The following UBAP2 variants were observed in gnomAD, a reference collection of about 807,000 sequenced individuals.
UBAP2 encodes the protein ubiquitin associated protein 2, also known as ubiquitin-associated protein 2.
A neutral mutation model predicts 139.6 loss-of-function variants in UBAP2; 75 were observed. The ratio of observed to expected loss-of-function variants is 0.54; its 90% CI spans 0.45 to 0.65. The LOEUF (loss-of-function observed/expected upper bound fraction) is 0.65. Ranked by LOEUF, UBAP2 falls within the 30% of genes least tolerant of loss-of-function variation. The probability of loss-of-function intolerance (pLI) is 0.00; values close to 1 mark genes in which losing one functional copy is unlikely to be tolerated. For synonymous variants in UBAP2, 526 were observed against 526.2 expected, an observed-to-expected ratio of 1.00 and a Z score of 0.01; for missense variants, 1,368 against 1,369.6, an observed-to-expected ratio of 1.00 and a Z score of 0.02.
chr9:34,045,057 G>A (rs953973243), intron 1 of UBAP2, among the ~76,000 whole-genome samples: 1 of 151,506 alleles, frequency 6.6e-6, no homozygotes, highest in Admixed American at 6.6e-5. Context: ...TTACAAACGG[G>A]TAAAAAAAGG....
intron 19 of UBAP2, chr9:33,928,869 C>G (rs963166844): frequency 6.6e-6 from 1 of 152,436 alleles, no homozygotes; most frequent in Non-Finnish European, 1.5e-5. Flanking sequence ...ACGGGAAGGG[C>G]CCAGGAGAAG....
chr9:34,012,439 G>A (rs1270172759), intron 2 of UBAP2, among the ~76,000 whole-genome samples: 4 of 151,704 alleles, frequency 2.6e-5, no homozygotes, highest in African/African-American at 9.7e-5. Flanking sequence ...GCTGAGGCAG[G>A]AGAATCACTT....
chr9:34,028,094 T>TA (rs950611530), intron 1 of UBAP2, among the ~76,000 whole-genome samples: 3 of 151,768 alleles, frequency 2.0e-5, no homozygotes, highest in Non-Finnish European at 2.9e-5. Context: ...GTCAGGCCTC[T>TA]AGCAGCTGAT....
At chr9:34,039,871 A>AAAAAAAC in intron 1 of UBAP2, among the ~76,000 whole-genome samples, 1 of 148,382 alleles carries the variant, frequency 6.7e-6, no homozygotes, top group Non-Finnish European at 1.5e-5. Flanking sequence ...AAAAAAAAAA[A>AAAAAAAC]ATACAAGCCG....
chr9:33,922,992 T>C lies in UBAP2; in HGVS notation c.3046A>G (p.Thr1016Ala). ...TGTGTCTTATTGTAGACAGAACCAG[T>C]CATATCAGGTAGACCAGTGGTGCTT... ...SSSTTGLPDM[T>A]GSVYNKTQTF... The change falls in exon 27 of 29, where the codon ACT (threonine) becomes GCT (alanine). Residue 1016 changes from threonine to alanine, a missense_variant. By Grantham distance (58) the Thr-to-Ala change is moderately conservative. Transcript: ENST00000379238. 6.2e-7 allele frequency: 1 copy of C among 1,613,994 alleles called. No individual in the cohort carries two copies. Among genetic ancestry groups the C allele is most frequent in the Non-Finnish European group, 8.5e-7 (1 of 1,179,966 alleles).
rs768532895 is a variant in UBAP2, at chr9:33,948,602, TA to T, written c.1057-16del. Reference sequence around the variant, plus strand: ...AGGACGGATGACTTTAAAAGGGGGATAAAAGAACAAATCCTCAACAATACAG... The same window carrying T: ...AGGACGGATGACTTTAAAAGGGGGATAAAGAACAAATCCTCAACAATACAG... On this transcript the variant is annotated splice_polypyrimidine_tract_variant and intron_variant, in intron 12 of 28. Coordinates refer to ENST00000379238, the MANE Select transcript of UBAP2 (RefSeq NM_001370062.2). 5 of 1,611,006 alleles carry T rather than the reference TA, an allele frequency of 3.1e-6. No homozygotes were observed. In the South Asian group the frequency reaches 4.4e-5, roughly 14 times the overall value.
chr9:33,936,389 GT>G (rs1175524115), intron 16 of UBAP2, among the ~76,000 whole-genome samples: 1 of 152,038 alleles, frequency 6.6e-6, no homozygotes, highest in African/African-American at 2.4e-5. Flanking sequence ...CATCTCCCAG[GT>G]TCAAGTGATT....
chr9:33,922,094 G>A lies in UBAP2; in HGVS notation c.*410C>T, dbSNP rs928788523. 2.9e-5 allele frequency: 5 copies of A among 170,222 alleles called. No homozygotes were observed. The highest frequency in any genetic ancestry group is 1.8e-4 in the East Asian group (1 of 5,706). 10.5% of individuals were successfully genotyped at this position (170,222 alleles called of 1,614,324 possible). ...AATTTCCAAAGGAGTGAGACAAGTC[G>A]TGATTCTTCATTGGTACCTGACCCC... is the stretch of plus-strand genomic sequence containing the variant. On this transcript the variant is annotated 3_prime_UTR_variant, in exon 29 of 29. Transcript: ENST00000379238.
intron 16 of UBAP2, among the ~76,000 whole-genome samples, chr9:33,939,347 G>A (rs1824886067): frequency 1.3e-5 from 2 of 151,550 alleles, no homozygotes; most frequent in East Asian, 2.0e-4. Context: ...CTACAGGCAC[G>A]CACTACCACA....
chr9:33,938,095 C>T (rs1824758696), intron 16 of UBAP2, among the ~76,000 whole-genome samples: 1 of 151,808 alleles, frequency 6.6e-6, no homozygotes, highest in Non-Finnish European at 1.5e-5. Context: ...CTTCCTGGTT[C>T]AAGCCATCCT....
In UBAP2 at chr9:34,011,586, TAAAC is replaced by T. The variant is rs763358985; in HGVS notation, c.99+5460_99+5463del. 788 of 968,796 alleles carry T rather than the reference TAAAC, an allele frequency of 8.1e-4. 1 individual carries two copies. The highest frequency in any genetic ancestry group is 9.1e-4 in the Non-Finnish European group (742 of 813,036). The allele number at this position is 968,796 out of a possible 1,614,324, so 60.0% of individuals were successfully genotyped here. A position where few individuals can be genotyped will look rare whatever the true frequency, so the allele number is the denominator to read the frequency against. On this transcript the variant is annotated intron_variant, in intron 2 of 28. Coordinates refer to ENST00000379238, the MANE Select transcript of UBAP2 (RefSeq NM_001370062.2). Reference sequence around the variant, plus strand: ...GATAAACAATTCAATAAATATTTGATAAACAAAGCACCAAACATAAGAGTATAAT... The same window carrying T: ...GATAAACAATTCAATAAATATTTGATAAAGCACCAAACATAAGAGTATAAT...
At chr9:33,953,794 G>A (rs1224587823) in intron 11 of UBAP2, among the ~76,000 whole-genome samples, 1 of 151,968 alleles carries the variant, frequency 6.6e-6, no homozygotes, top group Admixed American at 6.6e-5. Context: ...CTCAAGTTTG[G>A]TTCATTTTAC....
intron 2 of UBAP2, among the ~76,000 whole-genome samples, chr9:34,002,591 T>C (rs1301577398): frequency 6.6e-6 from 1 of 152,124 alleles, no homozygotes; most frequent in African/African-American, 2.4e-5. Context: ...TTGGTCAGGC[T>C]GGTCTCGAAC....
intron 1 of UBAP2, among the ~76,000 whole-genome samples, chr9:34,035,449 C>G (rs1299651853): frequency 7.2e-6 from 1 of 139,780 alleles, no homozygotes; most frequent in Admixed American, 7.7e-5. Context: ...TTGCAGTGAG[C>G]CGAGATCGCG....
At chr9:33,981,590 G>A (rs975030381) in intron 6 of UBAP2, among the ~76,000 whole-genome samples, 6 of 151,424 alleles carry the variant, frequency 4.0e-5, no homozygotes, top group Non-Finnish European at 1.5e-5. Context: ...CTGAGCTCAA[G>A]TGATCCTCTC....
chr9:33,940,378 A>C (rs1443919828), intron 16 of UBAP2, among the ~76,000 whole-genome samples: 3 of 152,308 alleles, frequency 2.0e-5, no homozygotes, highest in Non-Finnish European at 4.4e-5. Flanking sequence ...ACTGTTAATA[A>C]AAATTGTTGG....
chr9:33,933,508 G>C lies in UBAP2; in HGVS notation c.2090C>G (p.Pro697Arg). 1 of 1,613,898 alleles carries C rather than the reference G, an allele frequency of 6.2e-7. No individual in the cohort carries two copies. The change falls in exon 18 of 29, where the codon CCT (proline) becomes CGT (arginine). Residue 697 changes from proline to arginine, a missense_variant. Transcript: ENST00000379238. ...SQHTGDLTSS[P>R]LSQLSSSLSS... ...CCCATACCTGCTAAGCTGAGAGAGAGGGCTGCTAGTCAGGTCGCCAGTGTG... is the reference window on the plus strand; with the variant it reads ...CCCATACCTGCTAAGCTGAGAGAGACGGCTGCTAGTCAGGTCGCCAGTGTG...
chr9:33,925,282 G>C (rs925815524), intron 22 of UBAP2, among the ~76,000 whole-genome samples: 1 of 152,206 alleles, frequency 6.6e-6, no homozygotes, highest in African/African-American at 2.4e-5. Context: ...CCCCGGAAGA[G>C]GCAGAGCTGG....
At chr9:34,010,587 CAAAT>C (rs889674242) in intron 2 of UBAP2, among the ~76,000 whole-genome samples, 2 of 151,726 alleles carry the variant, frequency 1.3e-5, no homozygotes, top group East Asian at 3.9e-4. Flanking sequence ...TGTGATAAAA[CAAAT>C]AGAGCAAAAA....
Sources: allele counts gnomAD v4.1 joint callset (sites outside exome capture counted in the v4.1 genomes callset), GRCh38; gene constraint gnomAD v4.1.1; transcripts MANE v1.5; gene names NCBI Gene and HGNC (gene_info 2026-07-23, HGNC 2026-07-21).